Variants in GDI2 observed in about 807,000 individuals in gnomAD.
GDI2 encodes the protein rab GDP dissociation inhibitor beta.
GDI2 carries 22 observed loss-of-function variants against 54.2 expected under a neutral mutation model. The observed-to-expected ratio is 0.41, with a 90% CI of 0.29 to 0.58. The LOEUF is 0.58. GDI2 is among the 20% of genes least tolerant of loss of function. The probability of loss-of-function intolerance (pLI) is 0.35; values close to 1 mark genes in which losing one functional copy is unlikely to be tolerated. For synonymous variants in GDI2, 177 were observed against 182.1 expected, an observed-to-expected ratio of 0.97 and a Z score of 0.23; for missense variants, 422 against 546.0, an observed-to-expected ratio of 0.77 and a Z score of 2.26.
chr10:5,772,907 C>CA (rs1564388616), intron 7 of GDI2, among the ~76,000 whole-genome samples: 3 of 152,172 alleles, frequency 2.0e-5, no homozygotes, highest in Non-Finnish European at 2.9e-5. Context: ...CTCAGCCATT[C>CA]ATTAAACTGT....
chr10:5,808,692 G>A (rs1285614502), intron 1 of GDI2, among the ~76,000 whole-genome samples: 48 of 87,956 alleles, frequency 5.5e-4, no homozygotes, highest in Non-Finnish European at 9.4e-4. Flanking sequence ...AAGTATTGTT[G>A]TTATTAAAAA....
chr10:5,793,790 T>G (rs1841068001), intron 4 of GDI2, among the ~76,000 whole-genome samples: 1 of 152,142 alleles, frequency 6.6e-6, no homozygotes. Flanking sequence ...GTTTGCTATT[T>G]AAGAGAGACG....
intron 4 of GDI2, among the ~76,000 whole-genome samples, chr10:5,788,002 G>A (rs898700690): frequency 2.4e-4 from 36 of 152,144 alleles, no homozygotes; most frequent in Admixed American, 9.2e-4. Flanking sequence ...CAGTAGAGAC[G>A]TCCTGGCTGT....
intron 4 of GDI2, among the ~76,000 whole-genome samples, chr10:5,791,596 A>C (rs1244184268): frequency 1.3e-5 from 2 of 152,000 alleles, no homozygotes; most frequent in Non-Finnish European, 2.9e-5. Flanking sequence ...AAAAATACAA[A>C]ATTAGCCAGG....
intron 7 of GDI2, among the ~76,000 whole-genome samples, chr10:5,770,290 G>A (rs1840457070): frequency 6.6e-6 from 1 of 152,212 alleles, no homozygotes; most frequent in African/African-American, 2.4e-5. Context: ...TGGGCACAGT[G>A]GCTCACACCT....
rs912603540 is a variant in GDI2, at chr10:5,785,127, A to G, written c.719+15T>C. On this transcript the variant is annotated intron_variant, in intron 6 of 10. Coordinates refer to ENST00000380191, the MANE Select transcript of GDI2 (RefSeq NM_001494.4). Reference sequence around the variant, plus strand: ...GAGGTTTTGGATCACTGAGGTTTTAAACACAGGCTCTTACCTTGCAAATCC... The same window carrying G: ...GAGGTTTTGGATCACTGAGGTTTTAGACACAGGCTCTTACCTTGCAAATCC... The G allele has an allele frequency of 1.9e-6, 3 of 1,559,162 alleles. No homozygotes were observed. The highest frequency in any genetic ancestry group is 2.6e-6 in the Non-Finnish European group (3 of 1,154,014).
chr10:5,784,984 C>T (rs1006821374), intron 6 of GDI2, among the ~76,000 whole-genome samples, 158 bp downstream of exon 6: 1 of 146,494 alleles, frequency 6.8e-6, no homozygotes, highest in African/African-American at 2.4e-5. Context: ...ACTGAAGATC[C>T]ATGCATATCA....
Position 5,768,126 on chromosome 10 carries a change from C to A in GDI2, c.991+87G>T. 9.2e-7 allele frequency: 1 copy of A among 1,084,122 alleles called. No individual in the cohort carries two copies. Among genetic ancestry groups the A allele is most frequent in the South Asian group, 1.4e-5 (1 of 71,014 alleles). 67.2% of individuals were successfully genotyped at this position (1,084,122 alleles called of 1,614,324 possible). On this transcript the variant is annotated intron_variant, in intron 8 of 10. Transcript: ENST00000380191. The surrounding 1 kb of genome is among the most constrained non-coding windows in gnomAD (Gnocchi z 4.4). The stretch of plus-strand genomic sequence containing the variant: ...AACCAAGGTCTGTTCACTAATACAG[C>A]ATACAAAATTAGGAATTTGGGATAA...
intron 1 of GDI2, among the ~76,000 whole-genome samples, chr10:5,804,611 T>C (rs1046103730): frequency 6.6e-6 from 1 of 152,180 alleles, no homozygotes. Context: ...TTCTTTCATG[T>C]TTTGTGCATG....
At chr10:5,769,830 C>G (rs1468456403) in intron 7 of GDI2, among the ~76,000 whole-genome samples, 1 of 152,202 alleles carries the variant, frequency 6.6e-6, no homozygotes, top group Non-Finnish European at 1.5e-5. Context: ...GGCAGTTTCT[C>G]AAACATTAAA....
Position 5,776,636 on chromosome 10 carries a change from G to T in GDI2, c.720-2695C>A. On this transcript the variant is annotated intron_variant, in intron 6 of 10. Transcript: ENST00000380191. The surrounding 1 kb of genome is among the most constrained non-coding windows in gnomAD (Gnocchi z 5.3). ...GGGCAGACTTCTAAATGGTCCAATA[G>T]AAAAGGAGCTGGATGTAGATGCTGA... 1 of 1,494,426 alleles carries T rather than the reference G, an allele frequency of 6.7e-7. No homozygotes were observed. The highest frequency in any genetic ancestry group is 1.7e-5 in the Admixed American group (1 of 58,668). 92.6% of individuals were successfully genotyped at this position (1,494,426 alleles called of 1,614,324 possible).
chr10:5,778,238 C>T (rs1840670171), intron 6 of GDI2, among the ~76,000 whole-genome samples: 2 of 152,048 alleles, frequency 1.3e-5, no homozygotes, highest in South Asian at 4.1e-4. Context: ...ATGTAACAAA[C>T]CTGCACGTTC....
At chr10:5,772,395 G>A (rs1412806518) in intron 7 of GDI2, among the ~76,000 whole-genome samples, 6 of 152,166 alleles carry the variant, frequency 3.9e-5, no homozygotes, top group African/African-American at 1.2e-4. Context: ...ATCACACTAC[G>A]ACAGTCAAGA....
Position 5,768,546 on chromosome 10 carries a change from C to G in GDI2, c.820-162G>C. ...TGAATTCTGGAACAACCAAAACAAT[C>G]TTAAAAGAAGAACAGCAAAGCTGGA... On this transcript the variant is annotated intron_variant, in intron 7 of 10. Transcript: ENST00000380191. This position sits in a 1 kb window ranked among gnomAD's most constrained non-coding sequence, Gnocchi z 4.4. The G allele has an allele frequency of 3.4e-6, 2 of 596,626 alleles. No individual in the cohort carries two copies. The highest frequency in any genetic ancestry group is 3.9e-4 in the Middle Eastern group (1 of 2,546). 37.0% of individuals were successfully genotyped at this position (596,626 alleles called of 1,614,324 possible). A position where few individuals can be genotyped will look rare whatever the true frequency, so the allele number is the denominator to read the frequency against.
Position 5,774,545 on chromosome 10 carries a change from C to A in GDI2, c.720-604G>T, listed in dbSNP as rs1332904458. 1.3e-5 allele frequency among the ~76,000 whole-genome samples: 2 copies of A among 152,112 alleles called. No homozygotes were observed. Among genetic ancestry groups the A allele is most frequent in the African/African-American group, 4.8e-5 (2 of 41,416 alleles). ...CCCTTTCCACTCTCCCGCTTGCTAA[C>A]CAATCACCGGAACAGTTCCTCTCGG... is the stretch of plus-strand genomic sequence containing the variant. On this transcript the variant is annotated intron_variant, in intron 6 of 10. Transcript: ENST00000380191. The surrounding 1 kb of genome is among the most constrained non-coding windows in gnomAD (Gnocchi z 4.8).
intron 7 of GDI2, among the ~76,000 whole-genome samples, chr10:5,771,805 T>C (rs2131682863): frequency 1.3e-5 from 2 of 152,216 alleles, no homozygotes; most frequent in Middle Eastern, 6.8e-3. Context: ...AAAACATTTA[T>C]CCCTGGCCGA....
At chr10:5,787,955 G>C (rs527365791) in intron 4 of GDI2, among the ~76,000 whole-genome samples, 1 of 152,276 alleles carries the variant, frequency 6.6e-6, no homozygotes, top group Admixed American at 6.5e-5. Context: ...TACCCAGAGA[G>C]GGATAGAAAT....
chr10:5,804,399 C>A (rs1479445857), intron 1 of GDI2, among the ~76,000 whole-genome samples: 2 of 151,992 alleles, frequency 1.3e-5, no homozygotes, highest in African/African-American at 4.8e-5. Flanking sequence ...CAGCCTGAAT[C>A]ATTCTTTCTT....
At chr10:5,805,893 T>G (rs1222743849) in intron 1 of GDI2, among the ~76,000 whole-genome samples, 1 of 152,358 alleles carries the variant, frequency 6.6e-6, no homozygotes, top group East Asian at 1.9e-4. Flanking sequence ...TGCAGCACAC[T>G]TTGGGTAACA....
Sources: allele counts gnomAD v4.1 joint callset (sites outside exome capture counted in the v4.1 genomes callset), GRCh38; gene constraint gnomAD v4.1.1; non-coding constraint Gnocchi (gnomAD v3.1); transcripts MANE v1.5; gene names NCBI Gene and HGNC (gene_info 2026-07-23, HGNC 2026-07-21).